Variants in MUC7 observed in about 807,000 individuals in gnomAD.
The protein encoded by MUC7 is mucin 7, secreted.
MUC7 carries 2 observed loss-of-function variants against 2.5 expected under a neutral mutation model. That is an observed-to-expected ratio of 0.81 (90% CI 0.33 to 2.55). The LOEUF is 2.55. MUC7 is among the 30% of genes most tolerant of loss of function. The pLI is 0.11. For synonymous variants in MUC7, 133 were observed against 173.4 expected, an observed-to-expected ratio of 0.77 and a Z score of 1.83; for missense variants, 408 against 455.6, an observed-to-expected ratio of 0.90 and a Z score of 0.95.
chr4:70,449,126 A>C (rs1424117347), intron 1 of MUC7, among the ~76,000 whole-genome samples: 3 of 152,146 alleles, frequency 2.0e-5, no homozygotes, highest in African/African-American at 2.4e-5. Flanking sequence ...TCATAAAATG[A>C]GTTTAGAAGT....
At chr4:70,474,139 C>A in intron 2 of MUC7, 64 bp downstream of exon 2, 1 of 1,384,708 alleles carries the variant, frequency 7.2e-7, no homozygotes, top group Non-Finnish European at 1.0e-6. Context: ...GTGTACCTAC[C>A]TGAGACTTTT....
chr4:70,437,665 C>A (rs1278808117), intron 1 of MUC7, among the ~76,000 whole-genome samples: 1 of 152,206 alleles, frequency 6.6e-6, no homozygotes, highest in Non-Finnish European at 1.5e-5. Context: ...AATTCCCCGA[C>A]TCCTTGCGCT....
At chr4:70,450,002 G>A (rs112193116) in intron 1 of MUC7, among the ~76,000 whole-genome samples, 3,569 of 152,316 alleles carry the variant, frequency 0.023, 147 homozygotes, top group African/African-American at 0.08. Flanking sequence ...TCAGCAGGTG[G>A]CAAAGCCAGC....
At chr4:70,467,727 G>A (rs191186719), upstream of MUC7, among the ~76,000 whole-genome samples, 1 of 152,262 alleles carries the variant, frequency 6.6e-6, no homozygotes, top group Admixed American at 6.5e-5. Flanking sequence ...TTGAATCCCT[G>A]AATAGACCAA....
intron 1 of MUC7, among the ~76,000 whole-genome samples, chr4:70,444,666 C>G (rs1013152020): frequency 6.6e-6 from 1 of 152,186 alleles, no homozygotes; most frequent in Non-Finnish European, 1.5e-5. Flanking sequence ...TCTACTGTCT[C>G]TATATAATCC....
intron 1 of MUC7, among the ~76,000 whole-genome samples, chr4:70,431,515 C>A (rs540411147): frequency 1.3e-5 from 2 of 151,976 alleles, no homozygotes; most frequent in African/African-American, 2.4e-5. Context: ...GAATATACAA[C>A]TATTCTAGAA....
At chr4:70,430,676 A>G (rs1733636197) in exon 1 of MUC7, 1 of 152,136 alleles carries the variant, frequency 6.6e-6, no homozygotes, top group Admixed American at 6.6e-5. Context: ...TGGAGGAAGG[A>G]TTCCTTCAAA....
At chr4:70,433,221 TG>T (rs1398038457) in intron 1 of MUC7, among the ~76,000 whole-genome samples, 1 of 152,196 alleles carries the variant, frequency 6.6e-6, no homozygotes, top group African/African-American at 2.4e-5. Flanking sequence ...GTCTCTTTTT[TG>T]GTTCCATATG....
In MUC7 at chr4:70,434,807, G is replaced by A. The variant is rs181852575; in HGVS notation, c.-93+4120G>A. Among the ~76,000 whole-genome samples the A allele has an allele frequency of 3.9e-3, 597 of 151,982 alleles. 2 individuals are homozygous for A. The highest frequency in any genetic ancestry group is 6.0e-3 in the Non-Finnish European group (405 of 67,928). Reference sequence around the variant, plus strand: ...CTTTTAATTGTGATGTGAGGGTGTCGATTTTGGATCTTTCCTGCTTTCTCT... The same window carrying A: ...CTTTTAATTGTGATGTGAGGGTGTCAATTTTGGATCTTTCCTGCTTTCTCT... On this transcript the variant is annotated intron_variant, in intron 1 of 3. Transcript: ENST00000413702.
At chr4:70,443,256 C>A in intron 1 of MUC7, among the ~76,000 whole-genome samples, 1 of 150,176 alleles carries the variant, frequency 6.7e-6, no homozygotes. Flanking sequence ...AGATCTCAGA[C>A]AAAAAGATCT....
Position 70,481,867 on chromosome 4 carries a change from G to C in MUC7, c.1123G>C (p.Val375Leu), listed in dbSNP as rs764061669. The C allele has an allele frequency of 1.4e-5, 23 of 1,613,614 alleles. No individual in the cohort carries two copies. The Admixed American group carries it at 3.0e-4, about 21-fold the overall frequency. The change falls in exon 3 of 3, where the codon GTG becomes CTG. Residue 375 changes from valine to leucine, a missense_variant. Val to Leu is a conservative substitution (Grantham distance 32). Transcript: ENST00000304887. ...ACTAAACAGAATTATTGACGACATG[G>C]TGGAGCAATAGTATATTGTATGTTG... is the stretch of plus-strand genomic sequence containing the variant. ...NLLNRIIDDM[V>L]EQ
chr4:70,465,734 A>C (rs892796036), intron 1 of MUC7, among the ~76,000 whole-genome samples: 8 of 152,220 alleles, frequency 5.3e-5, no homozygotes, highest in African/African-American at 1.9e-4. Flanking sequence ...GCCTCCAAGA[A>C]ATATGGGACT....
intron 1 of MUC7, among the ~76,000 whole-genome samples, chr4:70,458,972 A>G (rs187567941): frequency 2.0e-4 from 31 of 152,324 alleles, no homozygotes; most frequent in Admixed American, 1.7e-3. Context: ...GTTATAGTCT[A>G]TCTAGACAAT....
In MUC7 at chr4:70,453,506, TCA is replaced by T. The variant is rs1400238502; in HGVS notation, c.-92-18707_-92-18706del. ...TGCTGAATGCTGCCAGGCCTGGGAC[TCA>T]CCCTTCAGGGCACTGGGCTCCCTTC... is the stretch of plus-strand genomic sequence containing the variant. On this transcript the variant is annotated intron_variant, in intron 1 of 3. Coordinates refer to the MUC7 transcript ENST00000413702. 3.3e-5 allele frequency among the ~76,000 whole-genome samples: 5 copies of T among 152,336 alleles called. No homozygotes were observed. In the East Asian group the frequency reaches 9.7e-4, roughly 29 times the overall value.
intron 1 of MUC7, among the ~76,000 whole-genome samples, chr4:70,437,817 A>C (rs1036546089): frequency 6.6e-6 from 1 of 151,846 alleles, no homozygotes; most frequent in Non-Finnish European, 1.5e-5. Flanking sequence ...TCTCGCTGGG[A>C]GCTGTAGACT....
At chr4:70,480,013 T>C (rs41357546) in intron 2 of MUC7, among the ~76,000 whole-genome samples, 1,956 of 152,292 alleles carry the variant, frequency 0.013, 43 homozygotes, top group African/African-American at 0.045. Flanking sequence ...AGCAGGTGTA[T>C]TGATAAAAGA....
At chr4:70,442,464 A>C (rs1351178578) in intron 1 of MUC7, among the ~76,000 whole-genome samples, 1 of 151,960 alleles carries the variant, frequency 6.6e-6, no homozygotes, top group Non-Finnish European at 1.5e-5. Context: ...AACAGTGGTC[A>C]TGTGAAAACA....
chr4:70,457,798 T>C (rs1734449340), intron 1 of MUC7, among the ~76,000 whole-genome samples: 1 of 152,092 alleles, frequency 6.6e-6, no homozygotes, highest in Non-Finnish European at 1.5e-5. Flanking sequence ...AATAGAAGGC[T>C]TTAATAACTC....
intron 1 of MUC7, among the ~76,000 whole-genome samples, chr4:70,473,084 C>A (rs985634159): frequency 3.3e-5 from 5 of 152,070 alleles, no homozygotes; most frequent in Non-Finnish European, 5.9e-5. Context: ...GCACTATGTA[C>A]TAGGCATGAT....
Sources: allele counts gnomAD v4.1 joint callset (sites outside exome capture counted in the v4.1 genomes callset), GRCh38; gene constraint gnomAD v4.1.1; transcripts MANE v1.5; gene names NCBI Gene and HGNC (gene_info 2026-07-23, HGNC 2026-07-21).